TOPBP1: variants seen among roughly 807,000 people sequenced by gnomAD.
TOPBP1 encodes the protein DNA topoisomerase 2-binding protein 1.
TOPBP1 carries 28 observed loss-of-function variants against 167.7 expected under a neutral mutation model. The observed-to-expected ratio is 0.17, with a 90% CI of 0.12 to 0.23. The LOEUF is 0.23. Among genes scored for constraint, TOPBP1 ranks in the 10% least tolerant of loss-of-function variants. The probability of loss-of-function intolerance (pLI) is 1.00; values close to 1 mark genes in which losing one functional copy is unlikely to be tolerated. For synonymous variants in TOPBP1, 598 were observed against 611.4 expected, an observed-to-expected ratio of 0.98 and a Z score of 0.32; for missense variants, 1,554 against 1,809.6, an observed-to-expected ratio of 0.86 and a Z score of 2.56.
chr3:133,652,661 G>A, intron 7 of TOPBP1, 32 bp from the exon 8 acceptor site: 2 of 1,530,752 alleles, frequency 1.3e-6, no homozygotes, highest in East Asian at 2.3e-5. Context: ...AAATTTATGG[G>A]AGATAAAATA....
At chr3:133,659,515 C>T (rs905978379) in intron 2 of TOPBP1, among the ~76,000 whole-genome samples, 1 of 152,170 alleles carries the variant, frequency 6.6e-6, no homozygotes, top group Non-Finnish European at 1.5e-5. Context: ...ATCTCTCTTG[C>T]TTATTCTATT....
chr3:133,632,362 G>A (rs893559489), intron 14 of TOPBP1, among the ~76,000 whole-genome samples: 1 of 152,016 alleles, frequency 6.6e-6, no homozygotes, highest in Non-Finnish European at 1.5e-5. Context: ...CCGAGATCAT[G>A]CCACCGCACT....
At chr3:133,619,652 A>AT (rs2107782325) in intron 20 of TOPBP1, among the ~76,000 whole-genome samples, 1 of 152,362 alleles carries the variant, frequency 6.6e-6, no homozygotes, top group South Asian at 2.1e-4. Context: ...ATATGTACTT[A>AT]TTGTTTAATA....
chr3:133,644,563 T>C (rs892824967), intron 10 of TOPBP1, among the ~76,000 whole-genome samples, 200 bp from the exon 11 acceptor site: 2 of 152,190 alleles, frequency 1.3e-5, no homozygotes, highest in African/African-American at 4.8e-5. Flanking sequence ...CCATCATCCA[T>C]TGGGAAGGAC....
intron 23 of TOPBP1, among the ~76,000 whole-genome samples, chr3:133,613,784 C>CT (rs11393295): frequency 0.27 from 34,344 of 127,212 alleles, 5,420 homozygotes; most frequent in Non-Finnish European, 0.3. Flanking sequence ...ATATCAAGGA[C>CT]TTTTTTTTTT....
Position 133,616,857 on chromosome 3 carries a change from A to T in TOPBP1, c.3828T>A (p.Asn1276Lys). Reference protein sequence around the residue: ...KQYIFQLSSLNPQERIDYCHL... With the variant: ...KQYIFQLSSLKPQERIDYCHL... ...GACAATAGTCAATACGTTCTTGAGG[A>T]TTCAGAGATGATAACTGAAATATGT... The change falls in exon 23 of 28, where the codon AAT (asparagine) becomes AAA (lysine). Residue 1276 changes from asparagine to lysine, a missense_variant. Physicochemically the swap from Asn to Lys is moderately conservative, Grantham distance 94. Around this residue, in one of 3 missense-constraint regions of TOPBP1, gnomAD observed 351 missense variants for 432.9 expected, o/e 0.81. Coordinates refer to ENST00000260810, the MANE Select transcript of TOPBP1 (RefSeq NM_007027.4). The T allele has an allele frequency of 6.4e-7, 1 of 1,561,392 alleles. No individual in the cohort carries two copies. The highest frequency in any genetic ancestry group is 2.3e-5 in the East Asian group (1 of 43,364).
intron 6 of TOPBP1, among the ~76,000 whole-genome samples, chr3:133,654,880 C>T (rs1027566091): frequency 1.3e-5 from 2 of 151,976 alleles, no homozygotes. Context: ...AATGACATGT[C>T]AGAAGTAAAA....
At chr3:133,658,774 T>C (rs1469383999) in intron 3 of TOPBP1, among the ~76,000 whole-genome samples, 1 of 152,162 alleles carries the variant, frequency 6.6e-6, no homozygotes, top group African/African-American at 2.4e-5. Context: ...GCCACTGCAC[T>C]AAAGCCTGGG....
intron 8 of TOPBP1, among the ~76,000 whole-genome samples, chr3:133,651,171 CTTT>C (rs1176625452): frequency 8.5e-5 from 7 of 82,116 alleles, no homozygotes; most frequent in Admixed American, 1.8e-4. Flanking sequence ...CCGAATTTCC[CTTT>C]TTTTTTTTTT....
At chr3:133,607,714 T>G (rs1217466290) in intron 27 of TOPBP1, among the ~76,000 whole-genome samples, 1 of 152,134 alleles carries the variant, frequency 6.6e-6, no homozygotes, top group South Asian at 2.1e-4. Flanking sequence ...GAAATACTAC[T>G]CAGCAATAAA....
intron 13 of TOPBP1, among the ~76,000 whole-genome samples, chr3:133,639,567 T>G (rs1204746827): frequency 6.6e-6 from 1 of 152,084 alleles, no homozygotes; most frequent in African/African-American, 2.4e-5. Context: ...CCGCATATTG[T>G]GCACATGTAC....
chr3:133,610,815 C>A (rs1440461004), intron 25 of TOPBP1, among the ~76,000 whole-genome samples, 189 bp downstream of exon 25: 2 of 151,836 alleles, frequency 1.3e-5, no homozygotes, highest in African/African-American at 2.4e-5. Flanking sequence ...TGAAAAGATT[C>A]TTTGGAAGAA....
intron 14 of TOPBP1, among the ~76,000 whole-genome samples, chr3:133,632,036 C>T (rs140092220): frequency 0.029 from 4,461 of 152,224 alleles, 112 homozygotes; most frequent in African/African-American, 0.07. Context: ...CATTTTCGAC[C>T]GTGATTGTAA....
intron 5 of TOPBP1, among the ~76,000 whole-genome samples, chr3:133,656,021 A>G (rs970484164): frequency 1.3e-5 from 2 of 151,502 alleles, no homozygotes; most frequent in African/African-American, 4.9e-5. Flanking sequence ...CAAGCCCAGA[A>G]AAGTGCCGAT....
chr3:133,654,453 G>A (rs771164876), intron 6 of TOPBP1, among the ~76,000 whole-genome samples: 1 of 152,148 alleles, frequency 6.6e-6, no homozygotes, highest in Non-Finnish European at 1.5e-5. Context: ...ACAATGAACT[G>A]TCTTCAGATT....
chr3:133,617,641 A>G (rs936320186), intron 21 of TOPBP1: 2 of 199,620 alleles, frequency 1.0e-5, no homozygotes, highest in Non-Finnish European at 2.0e-5. Context: ...AATTTGTAAC[A>G]TGAGAGCAAT....
intron 14 of TOPBP1, among the ~76,000 whole-genome samples, 182 bp downstream of exon 14, chr3:133,637,694 G>C (rs1935725283): frequency 6.6e-6 from 1 of 152,166 alleles, no homozygotes; most frequent in South Asian, 2.1e-4. Flanking sequence ...TTTATCTATA[G>C]CTGTTACCTT....
intron 13 of TOPBP1, among the ~76,000 whole-genome samples, 170 bp from the exon 14 acceptor site, chr3:133,638,332 T>C (rs1431136075): frequency 1.3e-5 from 2 of 152,166 alleles, no homozygotes; most frequent in Admixed American, 1.3e-4. Flanking sequence ...TTCATGTCAA[T>C]TCTCAGGTAC....
chr3:133,601,502 A>T, intron 27 of TOPBP1, 109 bp from the exon 28 acceptor site: 1 of 903,908 alleles, frequency 1.1e-6, no homozygotes, highest in African/African-American at 1.8e-5. Context: ...AATCTGACAA[A>T]CTTAAAGGAA....
Sources: allele counts gnomAD v4.1 joint callset (sites outside exome capture counted in the v4.1 genomes callset), GRCh38; gene constraint gnomAD v4.1.1; regional missense constraint gnomAD v4.1.1; transcripts MANE v1.5; gene names NCBI Gene and HGNC (gene_info 2026-07-23, HGNC 2026-07-21).